DPP10: variants seen among roughly 807,000 people sequenced by gnomAD.
DPP10 encodes inactive dipeptidyl peptidase 10.
DPP10 carries 33 observed loss-of-function variants against 120.9 expected under a neutral mutation model. That is an observed-to-expected ratio of 0.27 (90% CI 0.21 to 0.37). The LOEUF is 0.37. Among genes scored for constraint, DPP10 ranks in the 10% least tolerant of loss-of-function variants. DPP10 has a pLI of 1.00. For missense variants in DPP10, 816 were observed against 942.8 expected, an observed-to-expected ratio of 0.87 and a Z score of 1.76; for synonymous variants, 337 against 326.1, an observed-to-expected ratio of 1.03 and a Z score of -0.36.
At chr2:115,656,984 C>CTATAT (rs2088419241) in intron 5 of DPP10, among the ~76,000 whole-genome samples, 1 of 151,488 alleles carries the variant, frequency 6.6e-6, no homozygotes, top group Non-Finnish European at 1.5e-5. Flanking sequence ...TTCTGAATAT[C>CTATAT]TGATGTGTAA....
intron 4 of DPP10, among the ~76,000 whole-genome samples, chr2:115,522,405 T>G (rs1215625502): frequency 6.6e-6 from 1 of 152,188 alleles, no homozygotes; most frequent in Admixed American, 6.6e-5. Flanking sequence ...TTGTAGCACC[T>G]TCAGTGTCTG....
chr2:115,189,003 A>G (rs1024729356), intron 1 of DPP10, among the ~76,000 whole-genome samples: 2 of 152,240 alleles, frequency 1.3e-5, no homozygotes, highest in Non-Finnish European at 2.9e-5. Flanking sequence ...CTAAATTTTC[A>G]TCATTATATA....
chr2:115,312,085 C>T (rs570760499), intron 2 of DPP10, among the ~76,000 whole-genome samples: 42 of 152,034 alleles, frequency 2.8e-4, no homozygotes, highest in Admixed American at 5.9e-4. Context: ...TACAGTTTAC[C>T]AAGTGCATTT....
chr2:114,850,099 T>G (rs1253475763), intron 1 of DPP10, among the ~76,000 whole-genome samples: 2 of 149,844 alleles, frequency 1.3e-5, no homozygotes, highest in Non-Finnish European at 3.0e-5. Context: ...TTGCCCAGGC[T>G]GGACTTGAAC....
At chr2:114,483,044 G>C (rs139419710) in intron 1 of DPP10, among the ~76,000 whole-genome samples, 3 of 152,108 alleles carry the variant, frequency 2.0e-5, no homozygotes, top group African/African-American at 7.2e-5. Flanking sequence ...GTTTGGACTC[G>C]TTTTTCCATT....
chr2:114,986,312 A>AG (rs1364507296), intron 1 of DPP10, among the ~76,000 whole-genome samples: 1 of 152,232 alleles, frequency 6.6e-6, no homozygotes, highest in Non-Finnish European at 1.5e-5. Context: ...TTCTAAGTGC[A>AG]GGTTTCCTTT....
At chr2:114,851,618 G>A (rs981874530) in intron 1 of DPP10, among the ~76,000 whole-genome samples, 7 of 152,134 alleles carry the variant, frequency 4.6e-5, no homozygotes, top group African/African-American at 1.7e-4. Context: ...TACAATTTAA[G>A]CATTCTAGTA....
chr2:114,682,031 A>G (rs1021328732), intron 1 of DPP10, among the ~76,000 whole-genome samples: 2 of 151,968 alleles, frequency 1.3e-5, no homozygotes, highest in African/African-American at 4.8e-5. Flanking sequence ...TCAATTGTTC[A>G]GTCCCATCCC....
intron 5 of DPP10, among the ~76,000 whole-genome samples, chr2:115,649,003 G>A (rs2087523653): frequency 6.6e-6 from 1 of 152,130 alleles, no homozygotes; most frequent in African/African-American, 2.4e-5. Context: ...GAAACAAACT[G>A]AGTGAGTCCA....
At chr2:114,762,249 C>A (rs1262906395) in intron 1 of DPP10, among the ~76,000 whole-genome samples, 1 of 152,206 alleles carries the variant, frequency 6.6e-6, no homozygotes, top group Non-Finnish European at 1.5e-5. Context: ...GATCAAGAAT[C>A]CACTTAGATG....
At chr2:115,214,089 G>A (rs2056674917) in intron 1 of DPP10, among the ~76,000 whole-genome samples, 1 of 152,194 alleles carries the variant, frequency 6.6e-6, no homozygotes, top group Non-Finnish European at 1.5e-5. Context: ...GTTGGGGTTG[G>A]GAAGCAGTCC....
chr2:115,810,437 A>T (rs1686512237), intron 19 of DPP10, among the ~76,000 whole-genome samples: 1 of 152,158 alleles, frequency 6.6e-6, no homozygotes, highest in Admixed American at 6.5e-5. Flanking sequence ...GGTATAAATG[A>T]TGTTTTTTAT....
chr2:114,505,840 C>A (rs1157552121), intron 1 of DPP10, among the ~76,000 whole-genome samples: 1 of 152,172 alleles, frequency 6.6e-6, no homozygotes, highest in South Asian at 2.1e-4. Flanking sequence ...TAGCTGTTTT[C>A]AAAACCGTAC....
intron 3 of DPP10, among the ~76,000 whole-genome samples, chr2:115,491,362 C>T (rs752574896): frequency 3.3e-5 from 5 of 152,200 alleles, no homozygotes; most frequent in South Asian, 2.1e-4. Flanking sequence ...ACACGAAACA[C>T]GGCTGGCAGT....
At chr2:115,760,590 A>G (rs907667796) in intron 11 of DPP10, among the ~76,000 whole-genome samples, 1 of 152,214 alleles carries the variant, frequency 6.6e-6, no homozygotes, top group Non-Finnish European at 1.5e-5. Context: ...AGAGCCCTCA[A>G]GAGGCAGACA....
At chr2:115,803,502 A>G (rs1394613218) in intron 19 of DPP10, among the ~76,000 whole-genome samples, 1 of 152,158 alleles carries the variant, frequency 6.6e-6, no homozygotes. Context: ...TTTGCTCATT[A>G]GTTGATGCAG....
chr2:115,741,963 G>A (rs1677328308), intron 9 of DPP10, among the ~76,000 whole-genome samples: 1 of 152,104 alleles, frequency 6.6e-6, no homozygotes, highest in Non-Finnish European at 1.5e-5. Context: ...TTTATCATTT[G>A]ATAATGTCTT....
chr2:114,531,763 T>C (rs946262347), intron 1 of DPP10, among the ~76,000 whole-genome samples: 1 of 152,050 alleles, frequency 6.6e-6, no homozygotes, highest in Non-Finnish European at 1.5e-5. Context: ...AAGTATATGA[T>C]GCTTATTTGC....
intron 1 of DPP10, among the ~76,000 whole-genome samples, chr2:114,946,804 G>A (rs984250180): frequency 2.6e-5 from 4 of 151,944 alleles, no homozygotes; most frequent in African/African-American, 9.7e-5. Context: ...TAGCCTCATA[G>A]AATGTATTGG....
Sources: gnomAD v4.1 joint callset for allele counts (sites outside exome capture counted in the v4.1 genomes callset) on GRCh38, gnomAD v4.1.1 for gene constraint, MANE v1.5 for transcripts, NCBI Gene and HGNC (gene_info 2026-07-23, HGNC 2026-07-21) for gene names.